Variants in LIFR observed in about 807,000 individuals in gnomAD.
LIFR encodes LIF receptor subunit alpha, also known as leukemia inhibitory factor receptor.
In LIFR, 84 loss-of-function variants were observed where a neutral mutation model predicts 122.2. The ratio of observed to expected loss-of-function variants is 0.69; its 90% CI spans 0.58 to 0.82. The LOEUF is 0.82. Among genes scored for constraint, LIFR ranks in the 40% least tolerant of loss-of-function variants. LIFR has a pLI of 0.00. For synonymous variants in LIFR, 422 were observed against 434.7 expected (o/e 0.97, Z 0.36); for missense variants, 1,294 against 1,311.6 (o/e 0.99, Z 0.21).
chr5:38,514,481 T>A (rs892117019), intron 5 of LIFR, among the ~76,000 whole-genome samples: 1 of 152,220 alleles, frequency 6.6e-6, no homozygotes, highest in African/African-American at 2.4e-5. Flanking sequence ...ATGTATTCCT[T>A]TGGTAAGCAT....
intron 10 of LIFR, among the ~76,000 whole-genome samples, chr5:38,503,689 A>G (rs958647821): frequency 8.0e-5 from 12 of 149,292 alleles, no homozygotes; most frequent in Admixed American, 3.3e-4. Flanking sequence ...TAATGATGCT[A>G]AAAGTTACAG....
chr5:38,589,824 A>G (rs754189494), intron 1 of LIFR, among the ~76,000 whole-genome samples: 3 of 151,910 alleles, frequency 2.0e-5, no homozygotes, highest in Non-Finnish European at 4.4e-5. Flanking sequence ...AGAAAGGAAA[A>G]GCCCTTAGCT....
intron 1 of LIFR, among the ~76,000 whole-genome samples, chr5:38,541,550 T>G (rs1422687470): frequency 6.6e-6 from 1 of 152,220 alleles, no homozygotes; most frequent in Non-Finnish European, 1.5e-5. Context: ...AGAGGCTGCT[T>G]TTATCACATG....
At chr5:38,587,684 C>T (rs1357563935) in intron 1 of LIFR, among the ~76,000 whole-genome samples, 1 of 152,120 alleles carries the variant, frequency 6.6e-6, no homozygotes, top group Non-Finnish European at 1.5e-5. Context: ...GAAGAATGAT[C>T]AGATTTAAAC....
intron 1 of LIFR, among the ~76,000 whole-genome samples, chr5:38,575,535 G>T (rs745418883): frequency 1.7e-4 from 26 of 152,138 alleles, no homozygotes; most frequent in Admixed American, 6.5e-5. Flanking sequence ...TCCTATACAT[G>T]AAAAGAGACC....
Position 38,477,637 on chromosome 5 carries a change from C to T in LIFR, c.*3958G>A, listed in dbSNP as rs537529670. 8 of 213,872 alleles carry T rather than the reference C, an allele frequency of 3.7e-5. No homozygotes were observed. The highest frequency in any genetic ancestry group is 1.8e-4 in the African/African-American group (8 of 44,382). 13.2% of individuals were successfully genotyped at this position (213,872 alleles called of 1,614,324 possible). On this transcript the variant is annotated 3_prime_UTR_variant, in exon 20 of 20. Coordinates refer to ENST00000453190, the MANE Select transcript of LIFR (RefSeq NM_001127671.2). ...CATGAGTCCTTCCTCAGTTTTCACT[C>T]AAACCGTGGAGTCACTTCCGAAGTA...
chr5:38,485,783 G>C lies in LIFR; in HGVS notation c.2497+36C>G, dbSNP rs1324203199. 5 of 1,611,260 alleles carry C rather than the reference G, an allele frequency of 3.1e-6. No individual in the cohort carries two copies. The African/African-American group carries it at 4.0e-5, about 13-fold the overall frequency. On this transcript the variant is annotated intron_variant, in intron 17 of 19. Coordinates refer to ENST00000453190, the MANE Select transcript of LIFR (RefSeq NM_001127671.2). The stretch of plus-strand genomic sequence containing the variant: ...GAATCACTAGAACACTACGCATGCA[G>C]GATGGAAAGCACCTCAACAGCAACC...
At chr5:38,498,619 G>C (rs938374651) in intron 12 of LIFR, among the ~76,000 whole-genome samples, 1 of 152,172 alleles carries the variant, frequency 6.6e-6, no homozygotes, top group Admixed American at 6.5e-5. Context: ...AATGAAGCTA[G>C]AATCTAAATC....
rs73079417 is a variant in LIFR, at chr5:38,539,992, T to A, written c.-19-9326A>T. Among the ~76,000 whole-genome samples, 683 of 152,238 alleles carry A rather than the reference T, an allele frequency of 4.5e-3. 7 individuals carry two copies. Among genetic ancestry groups the A allele is most frequent in the African/African-American group, 0.015 (634 of 41,548 alleles). On this transcript the variant is annotated intron_variant, in intron 1 of 19. Transcript: ENST00000453190. ...AGAAAACTGAGGCACAGAAAGGTCA[T>A]ACAGCTAGTAAGGAGCAAAGTGGGA...
chr5:38,487,759 G>A lies in LIFR; in HGVS notation c.2335+1319C>T, dbSNP rs565010010. ...ATGGTAAGTGAAACAGCGGAGAAGG[G>A]GATCTGCTTGTAGTTAGGCCCTTCA... On this transcript the variant is annotated intron_variant, in intron 16 of 19. Coordinates refer to ENST00000453190, the MANE Select transcript of LIFR (RefSeq NM_001127671.2). 1.2e-4 allele frequency among the ~76,000 whole-genome samples: 18 copies of A among 152,254 alleles called. No homozygotes were observed. The South Asian group carries it at 3.7e-3, about 32-fold the overall frequency.
chr5:38,585,125 G>A (rs1237723244), intron 1 of LIFR, among the ~76,000 whole-genome samples: 2 of 152,112 alleles, frequency 1.3e-5, no homozygotes, highest in Non-Finnish European at 2.9e-5. Flanking sequence ...GAATACAAAA[G>A]CTAAAGTTTT....
intron 1 of LIFR, among the ~76,000 whole-genome samples, chr5:38,563,419 C>T (rs1227720705): frequency 6.6e-6 from 1 of 152,128 alleles, no homozygotes; most frequent in African/African-American, 2.4e-5. Flanking sequence ...TGGTTATTAA[C>T]ATAAAGAGTC....
In LIFR at chr5:38,475,861, C is replaced by G. The variant is rs566540398; in HGVS notation, c.*5734G>C. ...CTTTCAACATACTTTTAAGATGGTACTATCTTAAATCTAGGATGTCTATCT... is the reference window on the plus strand; with the variant it reads ...CTTTCAACATACTTTTAAGATGGTAGTATCTTAAATCTAGGATGTCTATCT... On this transcript the variant is annotated 3_prime_UTR_variant, in exon 20 of 20. Coordinates refer to ENST00000453190, the MANE Select transcript of LIFR (RefSeq NM_001127671.2). 1 of 188,904 alleles carries G rather than the reference C, an allele frequency of 5.3e-6. No homozygotes were observed. Among genetic ancestry groups the G allele is most frequent in the South Asian group, 2.0e-4 (1 of 5,102 alleles). 11.7% of individuals were successfully genotyped at this position (188,904 alleles called of 1,614,324 possible). A position where few individuals can be genotyped will look rare whatever the true frequency, so the allele number is the denominator to read the frequency against.
intron 1 of LIFR, among the ~76,000 whole-genome samples, chr5:38,540,398 A>G (rs16903996): frequency 0.035 from 5,372 of 152,284 alleles, 304 homozygotes; most frequent in African/African-American, 0.12. Context: ...AAGCACTTCC[A>G]CTAATCACAT....
At chr5:38,521,873 G>A (rs557194449) in intron 5 of LIFR, among the ~76,000 whole-genome samples, 1 of 152,292 alleles carries the variant, frequency 6.6e-6, no homozygotes, top group Admixed American at 6.5e-5. Context: ...GTGCTCAGGT[G>A]CTGATGGTGG....
In LIFR at chr5:38,485,898, A is replaced by G. The variant is rs1302207541; in HGVS notation, c.2418T>C (p.Ser806=). The change falls in exon 17 of 20, where the codon AGT becomes AGC. Residue 806 remains serine (S), a synonymous_variant. Transcript: ENST00000453190. ...TATAGGCTCGCAAGACCAGGTGGTA[A>G]CTTGTTTTACCTTGAAGATCAGCAA... ...LRIADLQGKT[S]YHLVLRAYTD... 3 of 1,614,124 alleles carry G rather than the reference A, an allele frequency of 1.9e-6. No homozygotes were observed. The highest frequency in any genetic ancestry group is 3.3e-4 in the Middle Eastern group (2 of 6,062).
At chr5:38,533,080 T>C (rs557769068) in intron 1 of LIFR, among the ~76,000 whole-genome samples, 1 of 152,292 alleles carries the variant, frequency 6.6e-6, no homozygotes, top group African/African-American at 2.4e-5. Context: ...AATATGCTGA[T>C]TTTTCCAGAT....
intron 1 of LIFR, among the ~76,000 whole-genome samples, chr5:38,539,872 CT>C (rs1338730303): frequency 1.3e-5 from 2 of 152,094 alleles, no homozygotes; most frequent in African/African-American, 4.8e-5. Flanking sequence ...GGAGCAGCCA[CT>C]TTTCTAAGTT....
chr5:38,482,100 G>C lies in LIFR; in HGVS notation c.2789C>G (p.Ala930Gly), dbSNP rs1744024756. 4 of 1,591,262 alleles carry C rather than the reference G, an allele frequency of 2.5e-6. No homozygotes were observed. The highest frequency in any genetic ancestry group is 1.8e-5 in the Admixed American group (1 of 55,620). ...ATCAGAGCGATCTTCAGGACGCTCAGCTACTGGGGAAATTATTTCTGTATC... is the reference window on the plus strand; with the variant it reads ...ATCAGAGCGATCTTCAGGACGCTCACCTACTGGGGAAATTATTTCTGTATC... ...IEDTEIISPV[A>G]ERPEDRSDAE... The change falls in exon 20 of 20, where the codon GCT (alanine) becomes GGT (glycine). Residue 930 changes from alanine to glycine, a missense_variant. Coordinates refer to ENST00000453190, the MANE Select transcript of LIFR (RefSeq NM_001127671.2).
Sources: gnomAD v4.1 joint callset for allele counts (sites outside exome capture counted in the v4.1 genomes callset) on GRCh38, gnomAD v4.1.1 for gene constraint, MANE v1.5 for transcripts, NCBI Gene and HGNC (gene_info 2026-07-23, HGNC 2026-07-21) for gene names.